The following TRPM8 variants were observed in gnomAD, a reference collection of about 807,000 sequenced individuals.
TRPM8 encodes the protein TRPM8 cationic channel.
A neutral mutation model predicts 133.7 loss-of-function variants in TRPM8; 110 were observed. The ratio of observed to expected loss-of-function variants is 0.82; its 90% CI spans 0.70 to 0.96. TRPM8 has a LOEUF of 0.96. TRPM8 is among the 40% of genes least tolerant of loss of function. The probability of loss-of-function intolerance (pLI) is 0.00; values close to 1 mark genes in which losing one functional copy is unlikely to be tolerated. For synonymous variants in TRPM8, 535 were observed against 532.3 expected, an observed-to-expected ratio of 1.01 and a Z score of -0.07; for missense variants, 1,291 against 1,379.5, an observed-to-expected ratio of 0.94 and a Z score of 1.02.
At chr2:233,966,308 T>C (rs947458854) in intron 14 of TRPM8, among the ~76,000 whole-genome samples, 3 of 152,138 alleles carry the variant, frequency 2.0e-5, no homozygotes, top group Non-Finnish European at 4.4e-5. Context: ...GAGGCTCTTC[T>C]GCCTGAGCCC....
intron 1 of TRPM8, among the ~76,000 whole-genome samples, chr2:233,919,567 G>A (rs1339609028): frequency 6.6e-6 from 1 of 151,872 alleles, no homozygotes; most frequent in Non-Finnish European, 1.5e-5. Context: ...ATCTAAAGGA[G>A]AAAATAATAA....
intron 5 of TRPM8, among the ~76,000 whole-genome samples, chr2:233,941,569 C>T (rs990487234): frequency 6.6e-6 from 1 of 152,192 alleles, no homozygotes; most frequent in Non-Finnish European, 1.5e-5. Flanking sequence ...GGCTGCCTCT[C>T]AGCTCCTGAC....
rs746732407 is a variant in TRPM8, at chr2:233,963,305, C to T, written c.1677C>T (p.His559=). The change falls in exon 13 of 26, where the codon CAC becomes CAT. Residue 559 remains histidine, a synonymous_variant. Coordinates refer to ENST00000324695, the MANE Select transcript of TRPM8 (RefSeq NM_024080.5). The part of the protein sequence containing the change: ...ELHDVSPITR[H]PLQALFIWAI... ...AGGACGTGTCTCCTATTACTCGGCA[C>T]CCCCTGCAAGCTCTCTTCATCTGGG... 7 of 1,613,144 alleles carry T rather than the reference C, an allele frequency of 4.3e-6. No homozygotes were observed. Among genetic ancestry groups the T allele is most frequent in the African/African-American group, 1.3e-5 (1 of 74,908 alleles).
At chr2:233,968,761 G>C (rs796700056) in intron 15 of TRPM8, among the ~76,000 whole-genome samples, 5 of 152,058 alleles carry the variant, frequency 3.3e-5, no homozygotes, top group African/African-American at 1.2e-4. Context: ...CTTTGATGTG[G>C]TCGAGTCTAT....
intron 24 of TRPM8, among the ~76,000 whole-genome samples, chr2:234,009,435 A>T (rs927005597): frequency 1.3e-5 from 2 of 152,146 alleles, no homozygotes; most frequent in African/African-American, 4.8e-5. Flanking sequence ...TGGACAGAGG[A>T]GGGCAGCAAC....
chr2:233,932,461 A>G (rs2125060259), intron 3 of TRPM8, among the ~76,000 whole-genome samples: 1 of 152,244 alleles, frequency 6.6e-6, no homozygotes, highest in East Asian at 1.9e-4. Context: ...ATGGAAGTTG[A>G]GGGACAGTGG....
intron 1 of TRPM8, among the ~76,000 whole-genome samples, chr2:233,921,564 A>G (rs189036256): frequency 5.1e-4 from 77 of 152,232 alleles, no homozygotes; most frequent in Non-Finnish European, 1.0e-3. Context: ...TGCACCTGGG[A>G]TGGGGAAAAG....
chr2:233,927,974 TTC>T (rs1218293101), intron 2 of TRPM8, among the ~76,000 whole-genome samples: 10 of 87,042 alleles, frequency 1.1e-4, no homozygotes, highest in Admixed American at 6.4e-4. Flanking sequence ...CTTTCTTTCT[TTC>T]TTTTTTTTTT....
rs1363756839 is a variant in TRPM8 at position 233,970,487 on chromosome 2, G to A, written c.2355+61G>A. 8.0e-6 allele frequency: 12 copies of A among 1,494,488 alleles called. No individual in the cohort carries two copies. In the Admixed American group the frequency reaches 2.0e-4, roughly 25 times the overall value. The allele number at this position is 1,494,488 out of a possible 1,614,324, so 92.6% of individuals were successfully genotyped here. A position where few individuals can be genotyped will look rare whatever the true frequency, so the allele number is the denominator to read the frequency against. On this transcript the variant is annotated intron_variant, in intron 17 of 25. Coordinates refer to ENST00000324695, the MANE Select transcript of TRPM8 (RefSeq NM_024080.5). ...CCTCGGTGGGAGGCATCTTTCTAAA[G>A]CCAAGAGGAATAGAAGTTGCTTCTG... is the stretch of plus-strand genomic sequence containing the variant.
In TRPM8 at chr2:233,946,039, T is replaced by C. The variant is rs1691035816; in HGVS notation, c.874+9T>C. 2 of 1,612,980 alleles carry C rather than the reference T, an allele frequency of 1.2e-6. No homozygotes were observed. Among genetic ancestry groups the C allele is most frequent in the South Asian group, 2.2e-5 (2 of 90,944 alleles). ...TGAGCGCACTATTCAAGGTCAGTGG[T>C]TAGGAGGTAGGACACTAGAAGTGTA... On this transcript the variant is annotated intron_variant, in intron 7 of 25. Transcript: ENST00000324695.
At chr2:233,984,849 C>T (rs981617190) in intron 20 of TRPM8, among the ~76,000 whole-genome samples, 5 of 152,060 alleles carry the variant, frequency 3.3e-5, no homozygotes, top group African/African-American at 7.2e-5. Flanking sequence ...TTTGGGAGGC[C>T]GAGGCAGACG....
intron 17 of TRPM8, among the ~76,000 whole-genome samples, chr2:233,972,713 T>C (rs1402108329): frequency 6.6e-6 from 1 of 152,100 alleles, no homozygotes; most frequent in Non-Finnish European, 1.5e-5. Flanking sequence ...CTGGCCCGGG[T>C]GCTAAACCTC....
rs868739971 is a variant in TRPM8, at chr2:233,985,733, C to T, written c.2807C>T (p.Ser936Phe). 6.2e-7 allele frequency: 1 copy of T among 1,614,234 alleles called. No individual in the cohort carries two copies. The highest frequency in any genetic ancestry group is 8.5e-7 in the Non-Finnish European group (1 of 1,180,046). Residue 936 changes from serine to phenylalanine, a missense_variant, in exon 21 of 26, where the codon TCC becomes TTC. By Grantham distance (155) the Ser-to-Phe change is radical (BLOSUM62 -2). Transcript: ENST00000324695. ...FAHCTFTGNESKPLCVELDEH... is the reference protein window; with the variant it reads ...FAHCTFTGNEFKPLCVELDEH... The stretch of plus-strand genomic sequence containing the variant: ...CACTGCACCTTCACTGGGAATGAGT[C>T]CAAGCCACTGTGTGTGGAGCTGGAT...
intron 6 of TRPM8, among the ~76,000 whole-genome samples, chr2:233,944,206 T>C (rs1244042418): frequency 6.6e-6 from 1 of 152,148 alleles, no homozygotes; most frequent in Non-Finnish European, 1.5e-5. Flanking sequence ...CAACAGGAGA[T>C]GGCAAAATGA....
chr2:233,924,335 C>T (rs867702807), intron 1 of TRPM8, among the ~76,000 whole-genome samples: 2 of 152,180 alleles, frequency 1.3e-5, no homozygotes, highest in Non-Finnish European at 2.9e-5. Context: ...CCCTGCCTTT[C>T]CCGTTCTATC....
intron 1 of TRPM8, among the ~76,000 whole-genome samples, chr2:233,924,635 C>T (rs569348264): frequency 1.3e-5 from 2 of 152,268 alleles, no homozygotes; most frequent in East Asian, 1.9e-4. Context: ...GAAAGGCATT[C>T]GGAATGTCAG....
rs766206176 is a variant in TRPM8 at position 233,964,708 on chromosome 2, T to G, written c.1830T>G (p.Ala610=). The change falls in exon 14 of 26, where the codon GCT becomes GCG. Residue 610 remains alanine (A), a synonymous_variant. Coordinates refer to ENST00000324695, the MANE Select transcript of TRPM8 (RefSeq NM_024080.5). The part of the protein sequence containing the change: ...TLAKVKNDIN[A]AGESEELANE... ...CCAAAGTGAAGAACGACATCAATGC[T>G]GCTGGGGAGTCCGAGGAGCTGGCTA... 1.4e-5 allele frequency: 23 copies of G among 1,613,098 alleles called. No individual in the cohort carries two copies. Among genetic ancestry groups the G allele is most frequent in the Non-Finnish European group, 2.0e-5 (23 of 1,179,366 alleles).
In TRPM8 at chr2:234,014,574, A is replaced by G; in HGVS notation, c.3277A>G (p.Lys1093Glu). The G allele has an allele frequency of 6.4e-7, 1 of 1,551,488 alleles. No homozygotes were observed. Among genetic ancestry groups the G allele is most frequent in the Non-Finnish European group, 8.7e-7 (1 of 1,152,378 alleles). Reference sequence around the variant, plus strand: ...TTCTCTTTCCAAGCTTAATGATCTCAAGGGTCTTCTGAAAGAGATTGCTAA... The same window carrying G: ...TTCTCTTTCCAAGCTTAATGATCTCGAGGGTCTTCTGAAAGAGATTGCTAA... ...RQLDTKLNDL[K>E]GLLKEIANKI... Residue 1093 changes from lysine to glutamate, a missense_variant, in exon 25 of 26, where the codon AAG becomes GAG. Coordinates refer to ENST00000324695, the MANE Select transcript of TRPM8 (RefSeq NM_024080.5).
chr2:234,009,300 G>GT (rs1692773420), intron 24 of TRPM8, among the ~76,000 whole-genome samples: 2 of 152,136 alleles, frequency 1.3e-5, no homozygotes, highest in Admixed American at 6.5e-5. Flanking sequence ...AGTTTGTTTT[G>GT]TTTTTTACTC....
Sources: allele counts gnomAD v4.1 joint callset (sites outside exome capture counted in the v4.1 genomes callset), GRCh38; gene constraint gnomAD v4.1.1; transcripts MANE v1.5; gene names NCBI Gene and HGNC (gene_info 2026-07-23, HGNC 2026-07-21).